Variants in UBE2E2 observed in about 807,000 individuals in gnomAD.
UBE2E2 encodes ubiquitin conjugating enzyme E2 E2.
A neutral mutation model predicts 24.7 loss-of-function variants in UBE2E2; 6 were observed. The ratio of observed to expected loss-of-function variants is 0.24; its 90% confidence interval spans 0.13 to 0.48. The LOEUF is 0.48. Among genes scored for constraint, UBE2E2 ranks in the 20% least tolerant of loss-of-function variants. The pLI, the probability that UBE2E2 is intolerant of heterozygous loss-of-function variation, is 0.99. For synonymous variants in UBE2E2, 104 were observed against 83.6 expected (o/e 1.24, Z -1.33); for missense variants, 169 against 245.0 (o/e 0.69, Z 2.07).
At chr3:23,416,494 C>A (rs771273208) in intron 3 of UBE2E2, among the ~76,000 whole-genome samples, 1 of 152,064 alleles carries the variant, frequency 6.6e-6, no homozygotes, top group Non-Finnish European at 1.5e-5. Flanking sequence ...TTTTTTTCTT[C>A]ATTTCAACCT....
intron 3 of UBE2E2, among the ~76,000 whole-genome samples, chr3:23,247,055 A>ATG (rs1186381932): frequency 6.6e-6 from 1 of 151,922 alleles, no homozygotes; most frequent in African/African-American, 2.4e-5. Flanking sequence ...GAGTCTTGTT[A>ATG]TGTTGCCCAC....
At chr3:23,416,635 C>T (rs1697640884) in intron 3 of UBE2E2, among the ~76,000 whole-genome samples, 1 of 152,132 alleles carries the variant, frequency 6.6e-6, no homozygotes, top group South Asian at 2.1e-4. Flanking sequence ...GGATAATATC[C>T]TGCAGTGTTT....
chr3:23,510,204 G>A (rs1694561258), intron 4 of UBE2E2, among the ~76,000 whole-genome samples: 1 of 152,174 alleles, frequency 6.6e-6, no homozygotes, highest in African/African-American at 2.4e-5. Context: ...GCTTATTGAT[G>A]AATTAGAGAA....
rs559183269 is a variant in UBE2E2, at chr3:23,559,935, T to G, written c.508+27234T>G. The stretch of plus-strand genomic sequence containing the variant: ...AATTTGCAAGTAAAAATATACCTCA[T>G]GCACATAGTGGGTGTGCTCTTTAGA... On this transcript the variant is annotated intron_variant, in intron 5 of 5. Transcript: ENST00000396703. Among the ~76,000 whole-genome samples, 8 of 152,276 alleles carry G rather than the reference T, an allele frequency of 5.3e-5. No homozygotes were observed. The South Asian group carries it at 1.5e-3, about 28-fold the overall frequency.
chr3:23,322,287 A>G (rs557472155), intron 3 of UBE2E2, among the ~76,000 whole-genome samples: 1 of 152,310 alleles, frequency 6.6e-6, no homozygotes, highest in Admixed American at 6.5e-5. Context: ...TTATTCAGTT[A>G]GTTGAAAGGG....
At chr3:23,345,726 T>G (rs1026761851) in intron 3 of UBE2E2, among the ~76,000 whole-genome samples, 2 of 152,194 alleles carry the variant, frequency 1.3e-5, no homozygotes, top group Non-Finnish European at 2.9e-5. Flanking sequence ...TTTTTTAATG[T>G]CATGTTAAGC....
chr3:23,243,569 C>G (rs1251225947), intron 3 of UBE2E2, among the ~76,000 whole-genome samples: 1 of 152,042 alleles, frequency 6.6e-6, no homozygotes, highest in Admixed American at 6.6e-5. Flanking sequence ...TTAAGAAAAT[C>G]ATTTATTGTT....
At chr3:23,426,954 A>G (rs1024251638) in intron 3 of UBE2E2, among the ~76,000 whole-genome samples, 7 of 152,224 alleles carry the variant, frequency 4.6e-5, no homozygotes, top group African/African-American at 1.7e-4. Context: ...AAAAGTAGAA[A>G]GAAATAACAA....
At chr3:23,266,001 A>G (rs1251553709) in intron 3 of UBE2E2, among the ~76,000 whole-genome samples, 1 of 152,174 alleles carries the variant, frequency 6.6e-6, no homozygotes, top group African/African-American at 2.4e-5. Flanking sequence ...TTTGCTTGGT[A>G]GATCTTCCTC....
At chr3:23,418,644 A>G (rs1697712242) in intron 3 of UBE2E2, among the ~76,000 whole-genome samples, 1 of 152,242 alleles carries the variant, frequency 6.6e-6, no homozygotes. Flanking sequence ...TTTGTTGAAA[A>G]GTACATCTTA....
chr3:23,214,549 C>T (rs886983910), intron 2 of UBE2E2, among the ~76,000 whole-genome samples: 1 of 151,896 alleles, frequency 6.6e-6, no homozygotes, highest in African/African-American at 2.4e-5. Context: ...CAATACTGAG[C>T]CTGGCCCAGG....
chr3:23,361,923 C>G (rs1337175246), intron 3 of UBE2E2, among the ~76,000 whole-genome samples: 1 of 152,080 alleles, frequency 6.6e-6, no homozygotes, highest in Non-Finnish European at 1.5e-5. Flanking sequence ...TACAAGACCA[C>G]TATCTGTATA....
At chr3:23,462,337 A>C (rs926764955) in intron 3 of UBE2E2, among the ~76,000 whole-genome samples, 1 of 152,194 alleles carries the variant, frequency 6.6e-6, no homozygotes, top group African/African-American at 2.4e-5. Context: ...GGAGTTTTGA[A>C]ATGTTAATAA....
At chr3:23,391,769 T>C (rs1053979186) in intron 3 of UBE2E2, among the ~76,000 whole-genome samples, 4 of 152,134 alleles carry the variant, frequency 2.6e-5, no homozygotes, top group Non-Finnish European at 5.9e-5. Flanking sequence ...GAGTTTATTC[T>C]TGAGTTTGGG....
At chr3:23,515,916 CTA>C (rs1694727381) in intron 4 of UBE2E2, among the ~76,000 whole-genome samples, 1 of 152,104 alleles carries the variant, frequency 6.6e-6, no homozygotes, top group South Asian at 2.1e-4. Context: ...TAGCAGTGAG[CTA>C]TAATGATGCC....
intron 3 of UBE2E2, among the ~76,000 whole-genome samples, chr3:23,305,621 A>G (rs1699218635): frequency 6.6e-6 from 1 of 152,230 alleles, no homozygotes; most frequent in South Asian, 2.1e-4. Context: ...TGGGATGCTC[A>G]GAGGGAGGTC....
intron 4 of UBE2E2, 99 bp downstream of exon 4, chr3:23,499,839 C>A: frequency 1.5e-6 from 2 of 1,366,076 alleles, no homozygotes; most frequent in Non-Finnish European, 1.9e-6. Context: ...CATGTCTATT[C>A]TGTTGTCACA....
intron 3 of UBE2E2, among the ~76,000 whole-genome samples, chr3:23,228,774 T>C (rs1373493865): frequency 6.6e-6 from 1 of 152,210 alleles, no homozygotes; most frequent in African/African-American, 2.4e-5. Context: ...CGTATTTGTG[T>C]AGAGGCAGCA....
chr3:23,572,441 G>A (rs1001128376), intron 5 of UBE2E2, among the ~76,000 whole-genome samples: 6 of 152,082 alleles, frequency 3.9e-5, no homozygotes, highest in East Asian at 1.9e-4. Flanking sequence ...GGTATATTGC[G>A]TGTTGCTAAA....
Sources: allele counts gnomAD v4.1 joint callset (sites outside exome capture counted in the v4.1 genomes callset), GRCh38; gene constraint gnomAD v4.1.1; transcripts MANE v1.5; gene names NCBI Gene and HGNC (gene_info 2026-07-23, HGNC 2026-07-21).